Variants in VDAC1 observed in about 807,000 individuals in gnomAD.
VDAC1 encodes the protein voltage dependent anion channel 1, also known as non-selective voltage-gated ion channel VDAC1.
Under a neutral mutation model 34.7 loss-of-function variants are expected in VDAC1, and 10 were observed. That is an observed-to-expected ratio of 0.29 (90% CI 0.18 to 0.49). The LOEUF is 0.49. Among genes scored for constraint, VDAC1 ranks in the 20% least tolerant of loss-of-function variants. The probability of loss-of-function intolerance (pLI) is 0.99; values close to 1 mark genes in which losing one functional copy is unlikely to be tolerated. For synonymous variants in VDAC1, 130 were observed against 136.0 expected (o/e 0.96, Z 0.30); for missense variants, 230 against 347.9 (o/e 0.66, Z 2.69).
At chr5:134,031,157 C>T in the VDAC1 span, among the ~76,000 whole-genome samples, 82 of 152,162 alleles carry the variant, frequency 5.4e-4, no homozygotes, top group African/African-American at 1.9e-3. Flanking sequence ...CAGTCCATTC[C>T]AGCTGATCAA....
the VDAC1 span, among the ~76,000 whole-genome samples, chr5:134,042,358 C>T: frequency 2.0e-5 from 3 of 152,230 alleles, no homozygotes; most frequent in Admixed American, 6.5e-5. Flanking sequence ...GGCCCCCACC[C>T]ATCCTGTCTT....
At position 133,988,301 on chromosome 5, in the gene VDAC1, A is replaced by G. The variant is rs578183231; in HGVS notation, c.323+2554T>C. Among the ~76,000 whole-genome samples the G allele has an allele frequency of 9.2e-3, 1,390 of 151,510 alleles. 9 individuals are homozygous for G. Among genetic ancestry groups the G allele is most frequent in the African/African-American group, 0.012 (480 of 41,412 alleles). ...AAATAAAAAGTAAATTAAAAAAAAA[A>G]GGGGGGCAGGTGCAGTGGCTCACGC... On this transcript the variant is annotated intron_variant, in intron 5 of 8. Coordinates refer to ENST00000265333, the MANE Select transcript of VDAC1 (RefSeq NM_003374.3).
At chr5:134,059,463 A>C in the VDAC1 span, among the ~76,000 whole-genome samples, 11 of 152,080 alleles carry the variant, frequency 7.2e-5, no homozygotes, top group Non-Finnish European at 1.5e-4. Context: ...GGCCCCAGGG[A>C]AGTGGTCCTC....
the VDAC1 span, among the ~76,000 whole-genome samples, chr5:134,019,193 A>G: frequency 6.6e-6 from 1 of 152,200 alleles, no homozygotes; most frequent in African/African-American, 2.4e-5. Context: ...AAACAAAAAA[A>G]AACCCTACAA....
intron 3 of VDAC1, among the ~76,000 whole-genome samples, 160 bp downstream of exon 3, chr5:133,992,146 G>A (rs1347044823): frequency 6.6e-6 from 1 of 152,158 alleles, no homozygotes; most frequent in Non-Finnish European, 1.5e-5. Context: ...TGAGGTAGGA[G>A]AATCGCTTGA....
chr5:134,036,005 CAAAAAAA>C, the VDAC1 span, among the ~76,000 whole-genome samples: 62 of 92,798 alleles, frequency 6.7e-4, no homozygotes, highest in Non-Finnish European at 1.2e-3. Flanking sequence ...GACTCCATCT[CAAAAAAA>C]AAAAAAAAAA....
the VDAC1 span, among the ~76,000 whole-genome samples, chr5:134,110,204 G>C: frequency 6.6e-6 from 1 of 152,188 alleles, no homozygotes. Flanking sequence ...ATTTGGCCAA[G>C]TTTCCTTAGG....
At chr5:134,064,669 A>G in the VDAC1 span, among the ~76,000 whole-genome samples, 1 of 151,898 alleles carries the variant, frequency 6.6e-6, no homozygotes, top group Non-Finnish European at 1.5e-5. Flanking sequence ...TAACTGATAC[A>G]AGGGATATAG....
the VDAC1 span, among the ~76,000 whole-genome samples, chr5:134,075,977 GTTTT>G: frequency 1.3e-5 from 2 of 150,938 alleles, no homozygotes; most frequent in Non-Finnish European, 3.0e-5. Context: ...CCCTCTCATG[GTTTT>G]TTTGTTTTTT....
chr5:134,068,819 T>C, the VDAC1 span, among the ~76,000 whole-genome samples: 3 of 152,198 alleles, frequency 2.0e-5, no homozygotes, highest in Non-Finnish European at 4.4e-5. Context: ...AAATTAATAG[T>C]AGAGGTGTTT....
At chr5:134,037,733 G>T in the VDAC1 span, among the ~76,000 whole-genome samples, 1 of 152,122 alleles carries the variant, frequency 6.6e-6, no homozygotes, top group Non-Finnish European at 1.5e-5. Flanking sequence ...AAGCCATCAG[G>T]GAGGTTGGGT....
the VDAC1 span, among the ~76,000 whole-genome samples, chr5:134,101,732 T>A: frequency 6.6e-6 from 1 of 152,166 alleles, no homozygotes; most frequent in Non-Finnish European, 1.5e-5. Context: ...GACTGCTGGA[T>A]CACTCTCAGG....
the VDAC1 span, among the ~76,000 whole-genome samples, chr5:134,017,759 A>G: frequency 1.3e-5 from 2 of 150,182 alleles, no homozygotes; most frequent in Non-Finnish European, 3.0e-5. Flanking sequence ...TAAAAATACA[A>G]AAAATTAGCC....
rs762464917 is a variant in VDAC1 at position 133,980,922 on chromosome 5, G to A, written c.358C>T (p.Arg120Trp). 27 of 1,613,896 alleles carry A rather than the reference G, an allele frequency of 1.7e-5. No homozygotes were observed. The highest frequency in any genetic ancestry group is 2.2e-5 in the East Asian group (1 of 44,880). ...TCGCAGCCCAGGTTAATGTGCTCCCGCTTGTACCCTGTCTTGATTTTAGCA... is the reference window on the plus strand; with the variant it reads ...TCGCAGCCCAGGTTAATGTGCTCCCACTTGTACCCTGTCTTGATTTTAGCA... ...KNAKIKTGYK[R>W]EHINLGCDMD... Residue 120 changes from arginine to tryptophan, a missense_variant, in exon 6 of 9, where the codon CGG (arginine) becomes TGG (tryptophan). Coordinates refer to ENST00000265333, the MANE Select transcript of VDAC1 (RefSeq NM_003374.3).
the VDAC1 span, among the ~76,000 whole-genome samples, chr5:134,041,598 A>C: frequency 9.2e-5 from 14 of 152,314 alleles, no homozygotes; most frequent in Admixed American, 4.6e-4. Context: ...GGGGATGGGA[A>C]AGATGGTGGG....
the VDAC1 span, among the ~76,000 whole-genome samples, chr5:134,071,885 G>C: frequency 6.6e-6 from 1 of 152,098 alleles, no homozygotes; most frequent in Non-Finnish European, 1.5e-5. This position sits in a 1 kb window ranked among gnomAD's most constrained non-coding sequence, Gnocchi z 4.1. Flanking sequence ...CTTGGGAAGG[G>C]AGAAGCCAGT....
chr5:134,112,948 C>A, the VDAC1 span, among the ~76,000 whole-genome samples: 1 of 152,160 alleles, frequency 6.6e-6, no homozygotes, highest in African/African-American at 2.4e-5. Context: ...GGGTTCCCTA[C>A]AAACACATGA....
At chr5:134,065,304 A>G in the VDAC1 span, among the ~76,000 whole-genome samples, 1 of 144,826 alleles carries the variant, frequency 6.9e-6, no homozygotes, top group African/African-American at 2.6e-5. Context: ...ATATAATGGG[A>G]TTATTTTGGC....
At chr5:134,104,703 G>A in the VDAC1 span, among the ~76,000 whole-genome samples, 1 of 152,218 alleles carries the variant, frequency 6.6e-6, no homozygotes, top group Admixed American at 6.5e-5. Context: ...AAAAACAAAA[G>A]ACCAACTTGA....
Sources: allele counts gnomAD v4.1 joint callset (sites outside exome capture counted in the v4.1 genomes callset), GRCh38; gene constraint gnomAD v4.1.1; non-coding constraint Gnocchi (gnomAD v3.1); transcripts MANE v1.5; gene names NCBI Gene and HGNC (gene_info 2026-07-23, HGNC 2026-07-21).